NKAIN3: variants seen among roughly 807,000 people sequenced by gnomAD.
The protein encoded by NKAIN3 is sodium/potassium transporting ATPase interacting 3, also known as sodium/potassium-transporting ATPase subunit beta-1-interacting protein 3.
A neutral mutation model predicts 30.2 loss-of-function variants in NKAIN3; 25 were observed. That is an observed-to-expected ratio of 0.83 (90% confidence interval 0.60 to 1.16). The LOEUF (loss-of-function observed/expected upper bound fraction) is 1.16, where lower values mean the gene tolerates loss of function less well. NKAIN3 is among the 50% of genes most tolerant of loss of function. NKAIN3 has a pLI of 0.00. For synonymous variants in NKAIN3, 91 were observed against 89.6 expected (o/e 1.02, Z -0.09); for missense variants, 225 against 254.1 (o/e 0.89, Z 0.78).
intron 4 of NKAIN3, among the ~76,000 whole-genome samples, chr8:62,810,800 CT>C (rs1818462221): frequency 6.6e-6 from 1 of 151,910 alleles, no homozygotes; most frequent in African/African-American, 2.4e-5. Flanking sequence ...TTAAAGATTA[CT>C]TTTAATTTCT....
At chr8:62,361,860 T>C (rs1243118214) in intron 1 of NKAIN3, among the ~76,000 whole-genome samples, 1 of 152,242 alleles carries the variant, frequency 6.6e-6, no homozygotes, top group African/African-American at 2.4e-5. Context: ...TTTGTATATA[T>C]GATTTCCTCT....
At chr8:62,543,982 C>T (rs1808928438) in intron 1 of NKAIN3, among the ~76,000 whole-genome samples, 1 of 151,948 alleles carries the variant, frequency 6.6e-6, no homozygotes, top group South Asian at 2.1e-4. Context: ...AAGGGAATTG[C>T]TGCTAATTTT....
downstream of NKAIN3, among the ~76,000 whole-genome samples, chr8:62,987,362 G>A (rs550311712): frequency 6.6e-6 from 1 of 152,160 alleles, no homozygotes; most frequent in Admixed American, 6.5e-5. Context: ...GAGAACCCTT[G>A]AATTCAGGAG....
In NKAIN3 at chr8:62,876,983, C is replaced by T. The variant is rs376664695; in HGVS notation, c.472-41470C>T. Reference sequence around the variant, plus strand: ...CAATAAAAGTTTGGGGTTTTTAACTCTCAAAAAAAAAAAAGAAAAGGAGAG... The same window carrying T: ...CAATAAAAGTTTGGGGTTTTTAACTTTCAAAAAAAAAAAAGAAAAGGAGAG... On this transcript the variant is annotated intron_variant, in intron 4 of 6. Coordinates refer to ENST00000623646, the MANE Select transcript of NKAIN3 (RefSeq NM_001304533.3). 1.3e-3 allele frequency among the ~76,000 whole-genome samples: 200 copies of T among 149,184 alleles called. 7 individuals are homozygous for T. The South Asian group carries it at 0.042, about 31-fold the overall frequency.
At chr8:62,521,177 C>T (rs1200971272) in intron 1 of NKAIN3, among the ~76,000 whole-genome samples, 1 of 151,846 alleles carries the variant, frequency 6.6e-6, no homozygotes, top group African/African-American at 2.4e-5. Flanking sequence ...GCAGGCCTTC[C>T]TGAAGGATAG....
chr8:62,443,951 T>G (rs898378386), intron 1 of NKAIN3, among the ~76,000 whole-genome samples: 2 of 152,130 alleles, frequency 1.3e-5, no homozygotes, highest in African/African-American at 4.8e-5. Flanking sequence ...CTAACAGGCA[T>G]TACTGTTAGC....
chr8:62,800,045 G>T (rs902272529), intron 4 of NKAIN3, among the ~76,000 whole-genome samples: 16 of 152,042 alleles, frequency 1.1e-4, no homozygotes, highest in Non-Finnish European at 2.1e-4. Flanking sequence ...TTGGGGACTT[G>T]GGGGAAAGAC....
At chr8:62,904,140 G>C (rs1043481006) in intron 4 of NKAIN3, among the ~76,000 whole-genome samples, 12 of 152,144 alleles carry the variant, frequency 7.9e-5, no homozygotes, top group Non-Finnish European at 1.5e-4. Context: ...ACATTCCGTT[G>C]TTTATCATCC....
chr8:62,877,344 G>A (rs1016662660), intron 4 of NKAIN3, among the ~76,000 whole-genome samples: 7 of 152,230 alleles, frequency 4.6e-5, no homozygotes, highest in Non-Finnish European at 1.5e-5. Flanking sequence ...CCAATTAGGC[G>A]GCCTCGGAAT....
intron 1 of NKAIN3, among the ~76,000 whole-genome samples, chr8:62,349,209 T>C (rs1019143645): frequency 6.6e-6 from 1 of 152,134 alleles, no homozygotes; most frequent in Non-Finnish European, 1.5e-5. Flanking sequence ...TGTGGCACAG[T>C]TGCTTGGAGG....
chr8:62,463,585 C>T (rs542893520), intron 1 of NKAIN3, among the ~76,000 whole-genome samples: 9 of 152,260 alleles, frequency 5.9e-5, no homozygotes, highest in African/African-American at 2.2e-4. Flanking sequence ...CTCCTTGCCA[C>T]TAAAGCTGAA....
chr8:62,281,576 C>T (rs879067227), intron 1 of NKAIN3, among the ~76,000 whole-genome samples: 4 of 152,130 alleles, frequency 2.6e-5, no homozygotes, highest in Admixed American at 6.6e-5. Flanking sequence ...TATGTTGTGT[C>T]TTTGTTCTCA....
chr8:62,974,656 A>T lies in NKAIN3; in HGVS notation c.*9249A>T, dbSNP rs6983896. Among the ~76,000 whole-genome samples, 16,368 of 152,124 alleles carry T rather than the reference A, an allele frequency of 0.11. 937 individuals are homozygous for T. Among genetic ancestry groups the T allele is most frequent in the South Asian group, 0.17 (827 of 4,818 alleles). ...TTCCTATTCGAATACGCTTTATTTC[A>T]TTCTCTTGCCTGTTTGCCCTGGCCA... On this transcript the variant is annotated 3_prime_UTR_variant, in exon 7 of 7. Transcript: ENST00000623646.
chr8:62,392,345 G>T (rs1016262269), intron 1 of NKAIN3, among the ~76,000 whole-genome samples: 10 of 152,000 alleles, frequency 6.6e-5, no homozygotes, highest in African/African-American at 2.2e-4. Context: ...AAATGTGTAT[G>T]ATTTGAAGGA....
chr8:62,691,723 A>G (rs1268502720), intron 3 of NKAIN3, among the ~76,000 whole-genome samples: 1 of 152,180 alleles, frequency 6.6e-6, no homozygotes, highest in East Asian at 1.9e-4. Context: ...CTTTGTTTTC[A>G]TTTTGTTTCT....
At chr8:62,613,754 C>T (rs1811361585) in intron 3 of NKAIN3, among the ~76,000 whole-genome samples, 1 of 152,018 alleles carries the variant, frequency 6.6e-6, no homozygotes, top group Non-Finnish European at 1.5e-5. Flanking sequence ...AGGCTGTCTT[C>T]AAGCTCACTA....
At chr8:62,870,727 A>C (rs1015433237) in intron 4 of NKAIN3, among the ~76,000 whole-genome samples, 14 of 135,674 alleles carry the variant, frequency 1.0e-4, no homozygotes, top group Admixed American at 3.0e-4. Context: ...CTCTATATCT[A>C]TATATCTATA....
At chr8:62,903,549 G>A (rs1821674945) in intron 4 of NKAIN3, among the ~76,000 whole-genome samples, 1 of 152,218 alleles carries the variant, frequency 6.6e-6, no homozygotes, top group Middle Eastern at 3.4e-3. Context: ...GGGAGCCATA[G>A]AAAAAGAAAT....
At chr8:62,780,580 A>G (rs1226308315) in intron 4 of NKAIN3, among the ~76,000 whole-genome samples, 1 of 152,092 alleles carries the variant, frequency 6.6e-6, no homozygotes, top group South Asian at 2.1e-4. Context: ...TCAAAAAAAT[A>G]ATATACCATG....
Sources: allele counts gnomAD v4.1 joint callset (sites outside exome capture counted in the v4.1 genomes callset), GRCh38; gene constraint gnomAD v4.1.1; transcripts MANE v1.5; gene names NCBI Gene and HGNC (gene_info 2026-07-23, HGNC 2026-07-21).